The following ATP9B variants were observed in gnomAD, a reference collection of about 807,000 sequenced individuals.
ATP9B encodes ATPase phospholipid transporting 9B.
A neutral mutation model predicts 146.1 loss-of-function variants in ATP9B; 110 were observed. The ratio of observed to expected loss-of-function variants is 0.75; its 90% CI spans 0.65 to 0.88. The LOEUF is 0.88. Among genes scored for constraint, ATP9B ranks in the 40% least tolerant of loss-of-function variants. ATP9B has a pLI of 0.00. For synonymous variants in ATP9B, 604 were observed against 569.7 expected (o/e 1.06, Z -0.86); for missense variants, 1,499 against 1,496.4 (o/e 1.00, Z -0.03).
At chr18:79,186,519 G>A (rs1333248452) in intron 8 of ATP9B, among the ~76,000 whole-genome samples, 1 of 152,032 alleles carries the variant, frequency 6.6e-6, no homozygotes, top group Non-Finnish European at 1.5e-5. Context: ...TCAAAAAGTA[G>A]TTTGAGGTAT....
chr18:79,118,400 T>TG (rs2094129411), intron 4 of ATP9B, among the ~76,000 whole-genome samples: 1 of 127,128 alleles, frequency 7.9e-6, no homozygotes. Context: ...GTTTTTTTTT[T>TG]TTTTTTTTTT....
chr18:79,256,286 T>TATATATATATATATATATACACACAC (rs398033647), intron 12 of ATP9B, among the ~76,000 whole-genome samples: 30 of 123,064 alleles, frequency 2.4e-4, no homozygotes, highest in African/African-American at 8.1e-4. Flanking sequence ...TATATATATA[T>TATATATATATATATATATACACACAC]ACATACATAG....
At chr18:79,184,406 G>A (rs73971400) in intron 8 of ATP9B, among the ~76,000 whole-genome samples, 9,791 of 151,986 alleles carry the variant, frequency 0.064, 1,004 homozygotes, top group African/African-American at 0.22. Flanking sequence ...GAGCAGAATC[G>A]TGCGTCACTC....
intron 11 of ATP9B, among the ~76,000 whole-genome samples, chr18:79,225,853 TCGCAGGGCGGCCAC>T (rs1381043271): frequency 0.13 from 17,775 of 141,648 alleles, 3,075 homozygotes; most frequent in South Asian, 0.19. Flanking sequence ...GGTCCCGCAG[TCGCAGGGCGGCCAC>T]TGTCTTCAGC....
chr18:79,277,728 C>A (rs942941493), intron 13 of ATP9B, among the ~76,000 whole-genome samples: 3 of 152,060 alleles, frequency 2.0e-5, no homozygotes, highest in African/African-American at 7.2e-5. Context: ...AGAACTCTTA[C>A]CAATCCGTAA....
intron 1 of ATP9B, 62 bp downstream of exon 1, chr18:79,069,591 C>A: frequency 8.9e-7 from 1 of 1,119,770 alleles, no homozygotes; most frequent in Non-Finnish European, 1.1e-6. Context: ...CAGCCCACCG[C>A]AGGAACCCGG....
chr18:79,335,962 C>G, intron 17 of ATP9B, among the ~76,000 whole-genome samples: 1 of 152,186 alleles, frequency 6.6e-6, no homozygotes, highest in South Asian at 2.1e-4. Flanking sequence ...GGGTCCCCCT[C>G]TCCCCCAGTG....
intron 5 of ATP9B, among the ~76,000 whole-genome samples, chr18:79,137,893 C>T (rs1405084025): frequency 1.3e-5 from 2 of 152,214 alleles, no homozygotes. Context: ...GCATGCCATA[C>T]ACCCTTTAAA....
rs1241532316 is a variant in ATP9B at position 79,331,723 on chromosome 18, AAAC to A, written c.2028+1620_2028+1622del. 2.0e-5 allele frequency among the ~76,000 whole-genome samples: 3 copies of A among 152,334 alleles called. No homozygotes were observed. The East Asian group carries it at 5.8e-4, about 29-fold the overall frequency. On this transcript the variant is annotated intron_variant, in intron 17 of 29. Coordinates refer to ENST00000426216, the MANE Select transcript of ATP9B (RefSeq NM_198531.5). ...GCTTGTCAAATGTTTAAAAAAAAAA[AAAC>A]TTTTCAATGATCACATAACAGAAAG...
intron 6 of ATP9B, among the ~76,000 whole-genome samples, chr18:79,150,712 G>A (rs375726977): frequency 1.8e-4 from 27 of 152,120 alleles, no homozygotes; most frequent in African/African-American, 6.3e-4. Context: ...TTTAAAGGCC[G>A]GGCATGATGA....
At chr18:79,089,633 T>A (rs1221049846) in intron 1 of ATP9B, among the ~76,000 whole-genome samples, 1 of 152,242 alleles carries the variant, frequency 6.6e-6, no homozygotes, top group African/African-American at 2.4e-5. Context: ...TAATTATTCG[T>A]TATTATAGAT....
chr18:79,319,233 T>C (rs1451859954), intron 15 of ATP9B, among the ~76,000 whole-genome samples: 1 of 152,238 alleles, frequency 6.6e-6, no homozygotes, highest in Admixed American at 6.5e-5. Flanking sequence ...ATTTTAGCAC[T>C]GTTAAATATT....
intron 2 of ATP9B, among the ~76,000 whole-genome samples, chr18:79,096,941 T>C (rs2074833942): frequency 6.6e-6 from 1 of 152,058 alleles, no homozygotes; most frequent in Non-Finnish European, 1.5e-5. Flanking sequence ...CAGATCACTT[T>C]GAGCTCAGGA....
chr18:79,092,696 AG>A (rs1216197691), intron 1 of ATP9B, among the ~76,000 whole-genome samples: 8 of 130,000 alleles, frequency 6.2e-5, no homozygotes, highest in Non-Finnish European at 1.1e-4. Context: ...ATATTAGTCT[AG>A]GCCTATACAG....
intron 1 of ATP9B, among the ~76,000 whole-genome samples, chr18:79,090,890 T>C (rs1311131550): frequency 6.6e-6 from 1 of 152,208 alleles, no homozygotes; most frequent in African/African-American, 2.4e-5. Flanking sequence ...CCCAATATTT[T>C]CTTGTAATAG....
At chr18:79,334,788 C>T (rs1176704813) in intron 17 of ATP9B, among the ~76,000 whole-genome samples, 4 of 151,320 alleles carry the variant, frequency 2.6e-5, no homozygotes, top group East Asian at 1.9e-4. Flanking sequence ...CGCCCACCCC[C>T]CCCTTGTGCC....
intron 1 of ATP9B, among the ~76,000 whole-genome samples, chr18:79,096,016 T>A (rs1367840112): frequency 6.6e-6 from 1 of 152,228 alleles, no homozygotes; most frequent in Non-Finnish European, 1.5e-5. Context: ...ACCTTTCAGA[T>A]ACAGACAGCT....
rs574681425 is a variant in ATP9B, at chr18:79,211,019, CTTAA to C, written c.1031-2936_1031-2933del. On this transcript the variant is annotated intron_variant, in intron 10 of 29. Coordinates refer to ENST00000426216, the MANE Select transcript of ATP9B (RefSeq NM_198531.5). ...TTTTAAATAATTTTCTATGAATCAT[CTTAA>C]TTAATTTGAATTTGTGAGGATTGGT... Among the ~76,000 whole-genome samples, 323 of 152,216 alleles carry C rather than the reference CTTAA, an allele frequency of 2.1e-3. 1 individual carries two copies. Among genetic ancestry groups the C allele is most frequent in the African/African-American group, 7.2e-3 (300 of 41,536 alleles).
Position 79,213,688 on chromosome 18 carries a change from T to C in ATP9B, c.1031-274T>C, listed in dbSNP as rs536645795. Among the ~76,000 whole-genome samples, 98 of 152,262 alleles carry C rather than the reference T, an allele frequency of 6.4e-4. No individual in the cohort carries two copies. In the Middle Eastern group the frequency reaches 0.01, roughly 16 times the overall value. On this transcript the variant is annotated intron_variant, in intron 10 of 29. Transcript: ENST00000426216. ...CAGTAGTGAAAGGCCATTGTCATTA[T>C]CTCTATTGTCAGTGAAAAGAATATT...
Sources: gnomAD v4.1 joint callset for allele counts (sites outside exome capture counted in the v4.1 genomes callset) on GRCh38, gnomAD v4.1.1 for gene constraint, MANE v1.5 for transcripts, NCBI Gene and HGNC (gene_info 2026-07-23, HGNC 2026-07-21) for gene names.